The following ENTREP2 variants were observed in gnomAD, a reference collection of about 807,000 sequenced individuals.
ENTREP2 encodes protein ENTREP2.
chr15:29,230,519 G>A, the ENTREP2 span, among the ~76,000 whole-genome samples: 1 of 152,082 alleles, frequency 6.6e-6, no homozygotes, highest in Non-Finnish European at 1.5e-5. Flanking sequence ...TTACAAATTT[G>A]ACAAATGCAA....
At chr15:29,356,957 C>T in the ENTREP2 span, among the ~76,000 whole-genome samples, 1 of 152,150 alleles carries the variant, frequency 6.6e-6, no homozygotes, top group South Asian at 2.1e-4. Flanking sequence ...AAGCTGGGGG[C>T]CCTTCCTCCT....
the ENTREP2 span, among the ~76,000 whole-genome samples, chr15:29,241,815 T>G: frequency 1.6e-4 from 25 of 152,242 alleles, no homozygotes; most frequent in East Asian, 4.8e-3. Context: ...GGAGGATCAG[T>G]TGAGGCCAGG....
the ENTREP2 span, among the ~76,000 whole-genome samples, chr15:29,439,585 G>C: frequency 6.6e-6 from 1 of 152,104 alleles, no homozygotes; most frequent in African/African-American, 2.4e-5. Context: ...AGAACACCAG[G>C]GTGATTGCTG....
At chr15:29,449,661 A>G in the ENTREP2 span, among the ~76,000 whole-genome samples, 1 of 152,326 alleles carries the variant, frequency 6.6e-6, no homozygotes, top group South Asian at 2.1e-4. Context: ...AAGAAAATAG[A>G]AGTTTGTTAC....
At chr15:29,563,275 A>G in the ENTREP2 span, among the ~76,000 whole-genome samples, 3 of 152,186 alleles carry the variant, frequency 2.0e-5, no homozygotes, top group African/African-American at 4.8e-5. Flanking sequence ...GTCCCTGGAC[A>G]CTAATTATAC....
At chr15:29,615,149 A>C in the ENTREP2 span, among the ~76,000 whole-genome samples, 1 of 146,446 alleles carries the variant, frequency 6.8e-6, no homozygotes, top group Non-Finnish European at 1.5e-5. Flanking sequence ...TCTCTCACAA[A>C]TTTTTTTTTC....
chr15:29,651,586 C>T, the ENTREP2 span, among the ~76,000 whole-genome samples: 4 of 152,196 alleles, frequency 2.6e-5, no homozygotes, highest in Non-Finnish European at 5.9e-5. Flanking sequence ...CTGGGAAGGC[C>T]CCCCATCTCC....
chr15:29,508,988 A>G, the ENTREP2 span, among the ~76,000 whole-genome samples: 3 of 152,348 alleles, frequency 2.0e-5, no homozygotes, highest in South Asian at 6.2e-4. Flanking sequence ...ACATGATTGT[A>G]TATTTAGAAA....
At chr15:29,422,875 G>A in the ENTREP2 span, among the ~76,000 whole-genome samples, 12 of 152,294 alleles carry the variant, frequency 7.9e-5, no homozygotes, top group Admixed American at 7.2e-4. Context: ...GAGAGAGTTT[G>A]GGACATTGTG....
the ENTREP2 span, among the ~76,000 whole-genome samples, chr15:29,477,993 C>CTATATA: frequency 7.2e-4 from 62 of 86,072 alleles, no homozygotes; most frequent in African/African-American, 9.7e-4. Flanking sequence ...TTAAATTTAA[C>CTATATA]TATATATATA....
At chr15:29,306,664 A>ATTTTTTTTT in the ENTREP2 span, among the ~76,000 whole-genome samples, 71 of 77,320 alleles carry the variant, frequency 9.2e-4, 8 homozygotes, top group Non-Finnish European at 1.6e-3. Flanking sequence ...ATAATTGGTA[A>ATTTTTTTTT]TTTTTTTTTT....
the ENTREP2 span, among the ~76,000 whole-genome samples, chr15:29,650,503 G>T: frequency 6.6e-6 from 1 of 152,032 alleles, no homozygotes; most frequent in African/African-American, 2.4e-5. Flanking sequence ...TGAGACAGGA[G>T]AATCACTTGA....
chr15:29,123,220 C>T, the ENTREP2 span: 1 of 1,099,234 alleles, frequency 9.1e-7, no homozygotes, highest in African/African-American at 1.6e-5. Context: ...CTGGGTGTCC[C>T]CCCCACATTT....
At chr15:29,543,933 G>A in the ENTREP2 span, among the ~76,000 whole-genome samples, 1 of 151,756 alleles carries the variant, frequency 6.6e-6, no homozygotes, top group East Asian at 1.9e-4. Context: ...TTTCCACTCC[G>A]ATTTTATGTA....
the ENTREP2 span, among the ~76,000 whole-genome samples, chr15:29,245,949 C>T: frequency 6.6e-6 from 1 of 152,146 alleles, no homozygotes; most frequent in African/African-American, 2.4e-5. Context: ...TGCACTCATG[C>T]TCTGACTGCA....
chr15:29,448,072 T>C, the ENTREP2 span, among the ~76,000 whole-genome samples: 1 of 151,498 alleles, frequency 6.6e-6, no homozygotes, highest in Middle Eastern at 3.4e-3. Flanking sequence ...AGACTCTCTG[T>C]CTCAAAAAAA....
chr15:29,448,563 A>G, the ENTREP2 span, among the ~76,000 whole-genome samples: 1 of 152,198 alleles, frequency 6.6e-6, no homozygotes, highest in Admixed American at 6.5e-5. Context: ...CTAACCTATG[A>G]AACTAAGTGT....
the ENTREP2 span, among the ~76,000 whole-genome samples, chr15:29,588,544 AAGAGAG>A: frequency 4.0e-4 from 8 of 19,808 alleles, no homozygotes; most frequent in Admixed American, 1.7e-3. Context: ...AAGAGAAAGA[AAGAGAG>A]AGAGAGAGAG....
the ENTREP2 span, among the ~76,000 whole-genome samples, chr15:29,546,841 C>CACGCCACTGCACTCCAGCCTGGGT: frequency 1.4e-5 from 2 of 143,442 alleles, no homozygotes; most frequent in Non-Finnish European, 3.0e-5. Context: ...GAGCCAAGAT[C>CACGCCACTGCACTCCAGCCTGGGT]ACGCCACTGC....
Sources: allele counts gnomAD v4.1 joint callset (sites outside exome capture counted in the v4.1 genomes callset), GRCh38; gene constraint gnomAD v4.1.1; transcripts MANE v1.5; gene names NCBI Gene and HGNC (gene_info 2026-07-23, HGNC 2026-07-21).